The following MYT1L variants were observed in gnomAD, a reference collection of about 807,000 sequenced individuals.
MYT1L encodes myelin transcription factor 1-like protein.
Under a neutral mutation model 126.7 loss-of-function variants are expected in MYT1L, and 12 were observed. The observed-to-expected ratio is 0.09, with a 90% CI of 0.06 to 0.15. The LOEUF (loss-of-function observed/expected upper bound fraction) is 0.15, where lower values mean the gene tolerates loss of function less well. MYT1L is among the 10% of genes least tolerant of loss of function. MYT1L has a pLI of 1.00. For missense variants in MYT1L, 979 were observed against 1,585.2 expected, an observed-to-expected ratio of 0.62 and a Z score of 6.49; for synonymous variants, 541 against 604.2, an observed-to-expected ratio of 0.90 and a Z score of 1.53.
intron 2 of MYT1L, among the ~76,000 whole-genome samples, chr2:2,218,592 A>G (rs1230497248): frequency 6.6e-6 from 1 of 152,154 alleles, no homozygotes; most frequent in Non-Finnish European, 1.5e-5. Flanking sequence ...AGAGGCTACA[A>G]AGGAGCATGG....
chr2:1,855,382 G>C (rs1274568238), intron 18 of MYT1L, among the ~76,000 whole-genome samples: 1 of 152,230 alleles, frequency 6.6e-6, no homozygotes, highest in Non-Finnish European at 1.5e-5. Flanking sequence ...CCCGTGGATA[G>C]AATCAGATGG....
chr2:2,210,819 G>T (rs1171577435), intron 2 of MYT1L, among the ~76,000 whole-genome samples: 1 of 152,154 alleles, frequency 6.6e-6, no homozygotes, highest in Non-Finnish European at 1.5e-5. Flanking sequence ...TCTTTGGGTA[G>T]TATGGACGTT....
At chr2:1,955,014 TC>T (rs1422579748) in intron 8 of MYT1L, among the ~76,000 whole-genome samples, 1 of 151,632 alleles carries the variant, frequency 6.6e-6, no homozygotes, top group Non-Finnish European at 1.5e-5. Context: ...TAGCCGGGCG[TC>T]GTGGCATGCA....
chr2:1,952,919 TTCCCTTCCC>T (rs1428321741), intron 8 of MYT1L, among the ~76,000 whole-genome samples: 5 of 104,488 alleles, frequency 4.8e-5, no homozygotes, highest in African/African-American at 1.7e-4. Flanking sequence ...TCTCCCTTCC[TTCCCTTCCC>T]TCCTTCCTTC....
At chr2:2,165,122 C>T (rs2088818074) in intron 3 of MYT1L, among the ~76,000 whole-genome samples, 1 of 152,178 alleles carries the variant, frequency 6.6e-6, no homozygotes, top group Non-Finnish European at 1.5e-5. Flanking sequence ...CACGGGCCTC[C>T]CCAGCCAAAG....
chr2:2,229,245 T>G (rs2094100883), intron 2 of MYT1L, among the ~76,000 whole-genome samples: 4 of 152,246 alleles, frequency 2.6e-5, no homozygotes, highest in African/African-American at 7.2e-5. Flanking sequence ...TTAACTTTTC[T>G]AGATCTGCTT....
chr2:2,241,137 TG>T (rs2094432250), intron 2 of MYT1L, among the ~76,000 whole-genome samples: 1 of 152,216 alleles, frequency 6.6e-6, no homozygotes, highest in African/African-American at 2.4e-5. Flanking sequence ...GAATTTTGTG[TG>T]TTAGTGAACG....
chr2:2,195,644 A>G (rs971161134), intron 2 of MYT1L, among the ~76,000 whole-genome samples: 2 of 152,220 alleles, frequency 1.3e-5, no homozygotes, highest in African/African-American at 4.8e-5. Context: ...ATTTAAACTC[A>G]TTATGATGAA....
intron 3 of MYT1L, among the ~76,000 whole-genome samples, chr2:2,101,385 G>A (rs374867318): frequency 5.9e-5 from 9 of 152,016 alleles, no homozygotes; most frequent in South Asian, 2.1e-4. Context: ...TAAAATATAC[G>A]CAAAATAAAG....
At chr2:1,983,995 G>C (rs992086928) in intron 5 of MYT1L, among the ~76,000 whole-genome samples, 17 of 151,990 alleles carry the variant, frequency 1.1e-4, no homozygotes, top group South Asian at 2.1e-4. Flanking sequence ...TTTAAAATTT[G>C]TTTTATACTT....
chr2:2,141,065 T>C (rs955191809), intron 3 of MYT1L, among the ~76,000 whole-genome samples: 3 of 152,216 alleles, frequency 2.0e-5, no homozygotes, highest in African/African-American at 7.2e-5. Flanking sequence ...TGCATGCTCT[T>C]GTAAGATATT....
chr2:2,153,824 G>A (rs943836078), intron 3 of MYT1L, among the ~76,000 whole-genome samples: 29 of 152,108 alleles, frequency 1.9e-4, no homozygotes, highest in African/African-American at 6.8e-4. Context: ...GTGTCGGGTG[G>A]CATCTGAAGA....
At chr2:1,927,592 A>G (rs999349152) in intron 9 of MYT1L, among the ~76,000 whole-genome samples, 3 of 152,130 alleles carry the variant, frequency 2.0e-5, no homozygotes, top group Non-Finnish European at 4.4e-5. Context: ...TGATTGAGCT[A>G]CTGTTCTTTC....
chr2:2,092,414 T>G (rs1435279668), intron 3 of MYT1L, among the ~76,000 whole-genome samples: 1 of 152,126 alleles, frequency 6.6e-6, no homozygotes, highest in East Asian at 1.9e-4. Flanking sequence ...GAAATTACAA[T>G]AGTAACATCA....
chr2:2,133,086 A>G (rs2082594858), intron 3 of MYT1L, among the ~76,000 whole-genome samples: 1 of 151,660 alleles, frequency 6.6e-6, no homozygotes, highest in Non-Finnish European at 1.5e-5. Context: ...TTTGGGGGGG[A>G]CGAAGACACA....
In MYT1L at chr2:2,331,093, A is replaced by G. The variant is rs964152009; in HGVS notation, c.-647T>C. 1 of 152,098 alleles carries G rather than the reference A, an allele frequency of 6.6e-6. No homozygotes were observed. Among genetic ancestry groups the G allele is most frequent in the Non-Finnish European group, 1.5e-5 (1 of 67,998 alleles). The allele number at this position is 152,098 out of a possible 1,614,324, so 9.4% of individuals were successfully genotyped here. On this transcript the variant is annotated 5_prime_UTR_variant, in exon 1 of 25. An upstream start codon of the reference 5' UTR is lost. Transcript: ENST00000647738. ...CAAGTTTGAAAGGATGATGAGACAC[A>G]TGCATGCCACCAAGACGCAGAAAAG...
intron 18 of MYT1L, among the ~76,000 whole-genome samples, chr2:1,858,915 C>T (rs926352033): frequency 9.9e-5 from 15 of 152,226 alleles, no homozygotes; most frequent in African/African-American, 2.9e-4. Flanking sequence ...CCTCCCTGCC[C>T]GGTGCCCTCT....
In MYT1L at chr2:2,056,951, T is replaced by G. The variant is rs1574876619; in HGVS notation, c.-303-2828A>C. 2.0e-5 allele frequency among the ~76,000 whole-genome samples: 3 copies of G among 152,138 alleles called. No individual in the cohort carries two copies. In the East Asian group the frequency reaches 5.8e-4, roughly 29 times the overall value. ...TCACACAGATTTTGGTTTTAAACTG[T>G]TTTGAGGTAACTGTAGATTCACATG... On this transcript the variant is annotated intron_variant, in intron 3 of 24. Transcript: ENST00000647738.
At chr2:1,833,469 G>A (rs965422011) in intron 21 of MYT1L, among the ~76,000 whole-genome samples, 2 of 152,166 alleles carry the variant, frequency 1.3e-5, no homozygotes, top group Non-Finnish European at 1.5e-5. Context: ...TGTCCGCTCT[G>A]CTGCTTCCTC....
Sources: allele counts gnomAD v4.1 joint callset (sites outside exome capture counted in the v4.1 genomes callset), GRCh38; gene constraint gnomAD v4.1.1; transcripts MANE v1.5; gene names NCBI Gene and HGNC (gene_info 2026-07-23, HGNC 2026-07-21).